WTAP: variants seen among roughly 807,000 people sequenced by gnomAD.
WTAP encodes the protein pre-mRNA-splicing regulator WTAP.
WTAP carries 8 observed loss-of-function variants against 50.0 expected under a neutral mutation model. The ratio of observed to expected loss-of-function variants is 0.16; its 90% CI spans 0.09 to 0.29. WTAP has a LOEUF of 0.29. Among genes scored for constraint, WTAP ranks in the 10% least tolerant of loss-of-function variants. The pLI, the probability that WTAP is intolerant of heterozygous loss-of-function variation, is 1.00. For synonymous variants in WTAP, 194 were observed against 169.0 expected (o/e 1.15, Z -1.15); for missense variants, 295 against 470.7 (o/e 0.63, Z 3.45).
intron 6 of WTAP, among the ~76,000 whole-genome samples, chr6:159,750,450 G>A (rs1779777251): frequency 6.6e-6 from 1 of 152,188 alleles, no homozygotes; most frequent in Non-Finnish European, 1.5e-5. Context: ...GATGAAAAGT[G>A]AGTGTCACTC....
intron 6 of WTAP, among the ~76,000 whole-genome samples, chr6:159,751,713 A>G (rs1422802466): frequency 6.6e-6 from 1 of 152,226 alleles, no homozygotes; most frequent in African/African-American, 2.4e-5. Context: ...TGAACTCTTC[A>G]GGTATTTTCT....
At chr6:159,727,374 T>TGGCAGGAGCCGGGAGGCGGGA, upstream of WTAP, 1 of 1,032,512 alleles carries the variant, frequency 9.7e-7, no homozygotes, top group Non-Finnish European at 1.2e-6. Context: ...GCGGGGAGGC[T>TGGCAGGAGCCGGGAGGCGGGA]GGCGGGAGGC....
chr6:159,735,257 G>A (rs1778835637), intron 1 of WTAP, among the ~76,000 whole-genome samples: 1 of 152,156 alleles, frequency 6.6e-6, no homozygotes, highest in Non-Finnish European at 1.5e-5. Flanking sequence ...TCCTGCCTCA[G>A]TCTCCCTAGT....
In WTAP at chr6:159,748,075, G is replaced by A; in HGVS notation, c.274-116G>A. ...TTTTCTAGAGAATTTCAGGATCAAAGAGGGGAGGAGCTTAATGAAAGAGTT... is the reference window on the plus strand; with the variant it reads ...TTTTCTAGAGAATTTCAGGATCAAAAAGGGGAGGAGCTTAATGAAAGAGTT... On this transcript the variant is annotated intron_variant, in intron 5 of 7. Transcript: ENST00000621533. The surrounding 1 kb of genome is among the most constrained non-coding windows in gnomAD (Gnocchi z 5.6). 1 of 1,271,806 alleles carries A rather than the reference G, an allele frequency of 7.9e-7. No homozygotes were observed. Among genetic ancestry groups the A allele is most frequent in the Non-Finnish European group, 1.1e-6 (1 of 931,786 alleles). 78.8% of individuals were successfully genotyped at this position (1,271,806 alleles called of 1,614,324 possible). A position where few individuals can be genotyped will look rare whatever the true frequency, so the allele number is the denominator to read the frequency against.
chr6:159,728,369 A>T (rs1435800542), intron 1 of WTAP, among the ~76,000 whole-genome samples: 1 of 152,160 alleles, frequency 6.6e-6, no homozygotes, highest in Non-Finnish European at 1.5e-5. Context: ...ATCCCAAAGG[A>T]TTAGCTTAAC....
At chr6:159,745,227 G>A (rs910811083) in intron 5 of WTAP, 2 of 152,026 alleles carry the variant, frequency 1.3e-5, no homozygotes, top group African/African-American at 2.4e-5. Context: ...TTTCTCTTCC[G>A]GATTCCTACT....
At chr6:159,732,886 AGTGTGTGTGTGTGT>A (rs67554039) in intron 1 of WTAP, among the ~76,000 whole-genome samples, 64,292 of 146,358 alleles carry the variant, frequency 0.44, 15,586 homozygotes, top group Admixed American at 0.55. Flanking sequence ...ATATATATAT[AGTGTGTGTGTGTGT>A]GTGTGTGTGT....
chr6:159,731,216 C>G (rs1003894489), intron 1 of WTAP, among the ~76,000 whole-genome samples: 5 of 151,872 alleles, frequency 3.3e-5, no homozygotes, highest in African/African-American at 1.2e-4. Flanking sequence ...AGTCCCAGCA[C>G]TTTTGGAGGC....
chr6:159,738,791 AATGATG>A (rs953700242), intron 2 of WTAP, among the ~76,000 whole-genome samples, 193 bp from the exon 3 acceptor site: 1 of 152,058 alleles, frequency 6.6e-6, no homozygotes, highest in Non-Finnish European at 1.5e-5. Flanking sequence ...GCATTTTCCT[AATGATG>A]ATGCCCATTG....
intron 1 of WTAP, among the ~76,000 whole-genome samples, chr6:159,731,313 A>G (rs1218232766): frequency 1.3e-5 from 2 of 149,570 alleles, no homozygotes; most frequent in African/African-American, 4.9e-5. Context: ...AGAAAAAAAA[A>G]ACAAATTAGC....
Position 159,727,574 on chromosome 6 carries a change from T to C in WTAP, c.-138T>C, listed in dbSNP as rs1778267774. The C allele has an allele frequency of 1.0e-6, 1 of 986,844 alleles. No homozygotes were observed. Among genetic ancestry groups the C allele is most frequent in the African/African-American group, 1.8e-5 (1 of 56,958 alleles). The allele number at this position is 986,844 out of a possible 1,614,324, so 61.1% of individuals were successfully genotyped here. On this transcript the variant is annotated 5_prime_UTR_variant, in exon 1 of 8. Coordinates refer to ENST00000621533, the MANE Select transcript of WTAP (RefSeq NM_001270531.2). ...GGGAGCGCAGGGGTTGCGGCGGGAC[T>C]AGGAGCGCGGCGGGGCCGGCGGCAG...
At chr6:159,731,148 A>G (rs1778543972) in intron 1 of WTAP, among the ~76,000 whole-genome samples, 3 of 149,442 alleles carry the variant, frequency 2.0e-5, no homozygotes, top group South Asian at 4.3e-4. Flanking sequence ...CTCAAAAAAA[A>G]GAAAAAAAGA....
chr6:159,753,386 A>G (rs918744809), intron 6 of WTAP, 74 bp from the exon 7 acceptor site: 2 of 1,599,194 alleles, frequency 1.3e-6, no homozygotes, highest in Admixed American at 1.7e-5. Flanking sequence ...TGTTACATCT[A>G]TCACTGTAAT....
At chr6:159,744,350 A>C (rs1211198689) in intron 5 of WTAP, among the ~76,000 whole-genome samples, 1 of 152,220 alleles carries the variant, frequency 6.6e-6, no homozygotes, top group Non-Finnish European at 1.5e-5. Context: ...GTGTAATTAT[A>C]CAAAATAATT....
chr6:159,728,390 A>G (rs1252437509), intron 1 of WTAP, among the ~76,000 whole-genome samples: 1 of 151,920 alleles, frequency 6.6e-6, no homozygotes, highest in Non-Finnish European at 1.5e-5. Flanking sequence ...ATTATCAAGG[A>G]CTAGCATAAC....
At chr6:159,726,952 AG>A (rs1236983410), upstream of WTAP, 19 of 1,287,494 alleles carry the variant, frequency 1.5e-5, no homozygotes, top group Non-Finnish European at 1.8e-5. Flanking sequence ...ATCACGGATG[AG>A]CGTCACGAAC....
Position 159,727,656 on chromosome 6 carries a change from C to A in WTAP, c.-56C>A, listed in dbSNP as rs938556538. 4.1e-6 allele frequency: 4 copies of A among 985,584 alleles called. No individual in the cohort carries two copies. Among genetic ancestry groups the A allele is most frequent in the Non-Finnish European group, 1.2e-6 (1 of 830,376 alleles). 61.1% of individuals were successfully genotyped at this position (985,584 alleles called of 1,614,324 possible). On this transcript the variant is annotated 5_prime_UTR_variant, in exon 1 of 8. Transcript: ENST00000621533. Reference sequence around the variant, plus strand: ...CCGGGCGGCAGGGCAAGCAGCGCGGCCTCGGCCTATGCGACCGGTGGCGCC... The same window carrying A: ...CCGGGCGGCAGGGCAAGCAGCGCGGACTCGGCCTATGCGACCGGTGGCGCC...
Position 159,755,790 on chromosome 6 carries a change from T to TTTTTTTTTTTTTTC in WTAP, c.*179_*180insTTTTTTTTTTTTTC, listed in dbSNP as rs1779991801. The TTTTTTTTTTTTTTC allele has an allele frequency of 1.2e-6, 1 of 848,086 alleles. No individual in the cohort carries two copies. The highest frequency in any genetic ancestry group is 1.9e-5 in the African/African-American group (1 of 52,146). The allele number at this position is 848,086 out of a possible 1,614,324, so 52.5% of individuals were successfully genotyped here. On this transcript the variant is annotated 3_prime_UTR_variant, in exon 8 of 8. Transcript: ENST00000621533. Reference sequence around the variant, plus strand: ...CTTTTTTTTTTTTTTTTTTTTTTTTTGCTTCAATACTTCTGCCGCTTTGGA... The same window carrying TTTTTTTTTTTTTTC: ...CTTTTTTTTTTTTTTTTTTTTTTTTTTTTTTTTTTTTTTCGCTTCAATACTTCTGCCGCTTTGGA...
chr6:159,749,439 T>G, intron 6 of WTAP: 1 of 984,168 alleles, frequency 1.0e-6, no homozygotes, highest in Non-Finnish European at 1.2e-6. Context: ...TTTTTTTTTT[T>G]TTAAGTTCAA....
Sources: gnomAD v4.1 joint callset for allele counts (sites outside exome capture counted in the v4.1 genomes callset) on GRCh38, gnomAD v4.1.1 for gene constraint, Gnocchi (gnomAD v3.1) non-coding constraint, MANE v1.5 for transcripts, NCBI Gene and HGNC (gene_info 2026-07-23, HGNC 2026-07-21) for gene names.